The following FOXP4 variants were observed in gnomAD, a reference collection of about 807,000 sequenced individuals.
FOXP4 encodes the protein forkhead box protein P4.
In FOXP4, 25 loss-of-function variants were observed where a neutral mutation model predicts 82.6. The ratio of observed to expected loss-of-function variants is 0.30; its 90% CI spans 0.22 to 0.42. The LOEUF (loss-of-function observed/expected upper bound fraction) is 0.42, where lower values mean the gene tolerates loss of function less well. Among genes scored for constraint, FOXP4 ranks in the 10% least tolerant of loss-of-function variants. The pLI, the probability that FOXP4 is intolerant of heterozygous loss-of-function variation, is 1.00. For missense variants in FOXP4, 785 were observed against 900.9 expected (o/e 0.87, Z 1.65); for synonymous variants, 415 against 388.2 (o/e 1.07, Z -0.81).
intron 9 of FOXP4, 86 bp downstream of exon 9, chr6:41,588,817 T>G (rs1766322575): frequency 6.9e-7 from 1 of 1,450,218 alleles, no homozygotes; most frequent in Non-Finnish European, 9.7e-7. Flanking sequence ...TGGGCTCTGT[T>G]GGGAGGGTCT....
In FOXP4 at chr6:41,601,036, T is replaced by C. The variant is rs1767194200; in HGVS notation, c.*2100T>C. The C allele has an allele frequency of 6.6e-6, 1 of 152,248 alleles. No homozygotes were observed. Among genetic ancestry groups the C allele is most frequent in the Admixed American group, 6.5e-5 (1 of 15,286 alleles). The allele number at this position is 152,248 out of a possible 1,614,324, so 9.4% of individuals were successfully genotyped here. On this transcript the variant is annotated 3_prime_UTR_variant, in exon 17 of 17. Transcript: ENST00000307972. Reference sequence around the variant, plus strand: ...ACCTGTGCCACCAGCTCTGGAGACATCCACACCCATTCCCAGGTGTCCTTC... The same window carrying C: ...ACCTGTGCCACCAGCTCTGGAGACACCCACACCCATTCCCAGGTGTCCTTC...
At chr6:41,590,544 A>T (rs540387393) in intron 12 of FOXP4, among the ~76,000 whole-genome samples, 197 bp downstream of exon 12, 1 of 152,044 alleles carries the variant, frequency 6.6e-6, no homozygotes, top group Non-Finnish European at 1.5e-5. Context: ...GCATAGGGTT[A>T]TGTGTCTCTG....
At chr6:41,571,819 T>C (rs1196399005) in intron 2 of FOXP4, among the ~76,000 whole-genome samples, 1 of 152,056 alleles carries the variant, frequency 6.6e-6, no homozygotes, top group Non-Finnish European at 1.5e-5. Flanking sequence ...TCAAGAACTT[T>C]CCTCCCCCCA....
chr6:41,579,180 C>T (rs1562030628), intron 3 of FOXP4, among the ~76,000 whole-genome samples: 1 of 152,132 alleles, frequency 6.6e-6, no homozygotes, highest in Non-Finnish European at 1.5e-5. Flanking sequence ...CAGTAACCCT[C>T]TTAAAATTCT....
At chr6:41,570,089 C>A in intron 2 of FOXP4, 2 of 258,952 alleles carry the variant, frequency 7.7e-6, no homozygotes, top group South Asian at 7.9e-5. Flanking sequence ...GACACACACA[C>A]ACACACACAC....
At chr6:41,595,031 G>A in intron 14 of FOXP4, 40 bp downstream of exon 14, 1 of 1,612,188 alleles carries the variant, frequency 6.2e-7, no homozygotes, top group African/African-American at 1.3e-5. Context: ...ACCTGCCCAG[G>A]GGGCAGGAGC....
Position 41,590,352 on chromosome 6 carries a change from G to A in FOXP4, c.1434+5G>A, listed in dbSNP as rs1405346523. Reference sequence around the variant, plus strand: ...TACGCCTCCCTCATCCGCCAGGTGAGCAGGGCAGGTAGGAGGAGGGTGGGG... The same window carrying A: ...TACGCCTCCCTCATCCGCCAGGTGAACAGGGCAGGTAGGAGGAGGGTGGGG... On this transcript the variant is annotated splice_donor_5th_base_variant and intron_variant, in intron 12 of 16. Coordinates refer to ENST00000307972, the MANE Select transcript of FOXP4 (RefSeq NM_001012426.2). 12 of 1,613,612 alleles carry A rather than the reference G, an allele frequency of 7.4e-6. No homozygotes were observed. Among genetic ancestry groups the A allele is most frequent in the Non-Finnish European group, 1.0e-5 (12 of 1,179,918 alleles).
At chr6:41,555,779 G>T (rs994074889) in intron 1 of FOXP4, among the ~76,000 whole-genome samples, 3 of 152,180 alleles carry the variant, frequency 2.0e-5, no homozygotes, top group African/African-American at 7.2e-5. Flanking sequence ...AATTTCAAAA[G>T]GCCGCAATTA....
chr6:41,546,527 G>C lies in FOXP4; in HGVS notation c.-357G>C, dbSNP rs1763623156. The C allele has an allele frequency of 6.7e-6, 1 of 148,684 alleles. No individual in the cohort carries two copies. Among genetic ancestry groups the C allele is most frequent in the Non-Finnish European group, 1.5e-5 (1 of 66,452 alleles). 9.2% of individuals were successfully genotyped at this position (148,684 alleles called of 1,614,324 possible). Reference sequence around the variant, plus strand: ...GCGCAGGCGGCGGCGGCGCGGCGGGGAGGAGCCCGGGCCGGAACCAGGGCT... The same window carrying C: ...GCGCAGGCGGCGGCGGCGCGGCGGGCAGGAGCCCGGGCCGGAACCAGGGCT... On this transcript the variant is annotated 5_prime_UTR_variant, in exon 1 of 17. Transcript: ENST00000307972.
chr6:41,579,779 G>C (rs752472606), intron 3 of FOXP4, among the ~76,000 whole-genome samples: 10 of 152,238 alleles, frequency 6.6e-5, no homozygotes, highest in South Asian at 6.2e-4. Context: ...TTCATTGATT[G>C]ATTCATTCAT....
chr6:41,589,985 C>G lies in FOXP4; in HGVS notation c.1172C>G (p.Ser391Cys), dbSNP rs1247853696. 6.2e-7 allele frequency: 1 copy of G among 1,613,974 alleles called. No individual in the cohort carries two copies. The highest frequency in any genetic ancestry group is 8.5e-7 in the Non-Finnish European group (1 of 1,179,986). ...SQPLNPVPGS[S>C]SFSKVTVSAA... ...CAGCTGAACCCGGTCCCCGGCTCCT[C>G]CTCATTCTCCAAGGTGACCGTCTCT... Residue 391 changes from serine to cysteine, a missense_variant, in exon 11 of 17, where the codon TCC (serine) becomes TGC (cysteine). Physicochemically the swap from Ser to Cys is moderately radical, Grantham distance 112 (BLOSUM62 -1). Around this residue, in one of 3 missense-constraint regions of FOXP4, gnomAD observed 570 missense variants for 634.0 expected, o/e 0.90. Coordinates refer to ENST00000307972, the MANE Select transcript of FOXP4 (RefSeq NM_001012426.2).
At position 41,565,972 on chromosome 6, in the gene FOXP4, C is replaced by T. The variant is rs1336926275; in HGVS notation, c.204+8C>T. 6.2e-7 allele frequency: 1 copy of T among 1,610,780 alleles called. No individual in the cohort carries two copies. The highest frequency in any genetic ancestry group is 8.5e-7 in the Non-Finnish European group (1 of 1,178,264). On this transcript the variant is annotated splice_region_variant and intron_variant, in intron 2 of 16. Coordinates refer to ENST00000307972, the MANE Select transcript of FOXP4 (RefSeq NM_001012426.2). ...CACTTCCAGCAGCAACAGGTAGGAA[C>T]TGGTGCGCCTTGGGGTATCTGGGAG... is the stretch of plus-strand genomic sequence containing the variant.
intron 1 of FOXP4, chr6:41,548,364 A>G (rs1023085181): frequency 6.6e-6 from 1 of 152,202 alleles, no homozygotes; most frequent in African/African-American, 2.4e-5. Flanking sequence ...ATTTTGGCCA[A>G]TGCGGGTTTT....
intron 4 of FOXP4, 87 bp from the exon 5 acceptor site, chr6:41,585,344 C>A: frequency 7.3e-7 from 1 of 1,364,230 alleles, no homozygotes; most frequent in Non-Finnish European, 1.0e-6. Context: ...ACTCCCTTCT[C>A]CTGCCCCCAG....
rs984372021 is a variant in FOXP4, at chr6:41,599,123, C to G, written c.*187C>G. 10 of 721,580 alleles carry G rather than the reference C, an allele frequency of 1.4e-5. No individual in the cohort carries two copies. In the African/African-American group the frequency reaches 1.8e-4, roughly 13 times the overall value. The allele number at this position is 721,580 out of a possible 1,614,324, so 44.7% of individuals were successfully genotyped here. A position where few individuals can be genotyped will look rare whatever the true frequency, so the allele number is the denominator to read the frequency against. ...CGTAGGGGCAGGGACGGTCCCCACCCCCAGGGACACAACCCCTGGTCTTGG... is the reference window on the plus strand; with the variant it reads ...CGTAGGGGCAGGGACGGTCCCCACCGCCAGGGACACAACCCCTGGTCTTGG... On this transcript the variant is annotated 3_prime_UTR_variant, in exon 17 of 17. Coordinates refer to ENST00000307972, the MANE Select transcript of FOXP4 (RefSeq NM_001012426.2).
At chr6:41,548,689 C>G (rs1383696582) in intron 1 of FOXP4, 1 of 152,362 alleles carries the variant, frequency 6.6e-6, no homozygotes, top group African/African-American at 2.4e-5. Context: ...CACCCCCTCC[C>G]CCTGCTGCGA....
At chr6:41,570,169 G>T in intron 2 of FOXP4, 1 of 392,154 alleles carries the variant, frequency 2.6e-6, no homozygotes. Context: ...TTCTCTTCAG[G>T]ACTGCTGGCT....
intron 1 of FOXP4, among the ~76,000 whole-genome samples, chr6:41,560,836 A>G (rs1764533989): frequency 6.6e-6 from 1 of 152,244 alleles, no homozygotes; most frequent in African/African-American, 2.4e-5. Context: ...GACGGTAATT[A>G]ATACTCGCTA....
At chr6:41,566,826 A>G (rs188020345) in intron 2 of FOXP4, among the ~76,000 whole-genome samples, 1 of 152,236 alleles carries the variant, frequency 6.6e-6, no homozygotes, top group East Asian at 1.9e-4. Flanking sequence ...GGGGTATGCT[A>G]GGAACATGGA....
Sources: allele counts gnomAD v4.1 joint callset (sites outside exome capture counted in the v4.1 genomes callset), GRCh38; gene constraint gnomAD v4.1.1; regional missense constraint gnomAD v4.1.1; transcripts MANE v1.5; gene names NCBI Gene and HGNC (gene_info 2026-07-23, HGNC 2026-07-21).